UTRN: variants seen among roughly 807,000 people sequenced by gnomAD.
UTRN encodes dystrophin-related protein 1.
UTRN carries 283 observed loss-of-function variants against 463.9 expected under a neutral mutation model. That is an observed-to-expected ratio of 0.61 (90% CI 0.55 to 0.67). The LOEUF (loss-of-function observed/expected upper bound fraction) is 0.67. Ranked by LOEUF, UTRN falls within the 30% of genes least tolerant of loss-of-function variation. The pLI is 0.00. For missense variants in UTRN, 3,922 were observed against 4,084.3 expected (o/e 0.96, Z 1.08); for synonymous variants, 1,442 against 1,431.5 (o/e 1.01, Z -0.17).
At chr6:144,509,165 C>T (rs749182910) in intron 34 of UTRN, among the ~76,000 whole-genome samples, 20 of 152,064 alleles carry the variant, frequency 1.3e-4, no homozygotes, top group Non-Finnish European at 2.2e-4. Context: ...TATTCGGTAA[C>T]ATATATGTCT....
At position 144,488,778 on chromosome 6, in the gene UTRN, C is replaced by T; in HGVS notation, c.4078C>T (p.Leu1360Phe). 1 of 1,612,720 alleles carries T rather than the reference C, an allele frequency of 6.2e-7. No homozygotes were observed. The highest frequency in any genetic ancestry group is 2.2e-5 in the East Asian group (1 of 44,828). The change falls in exon 30 of 75, where the codon CTC (leucine) becomes TTC (phenylalanine). Residue 1360 changes from leucine to phenylalanine, a missense_variant. Physicochemically the swap from Leu to Phe is conservative, Grantham distance 22. This residue lies in a region of UTRN where 2,349 missense variants were observed against 2,303.8 expected (regional missense o/e 1.02). Coordinates refer to ENST00000367545, the MANE Select transcript of UTRN (RefSeq NM_007124.3). Reference sequence around the variant, plus strand: ...GAGCTTGGGGGAGCTGGACAAACAGCTCACCACATACCTGACTGACAGGAT... The same window carrying T: ...GAGCTTGGGGGAGCTGGACAAACAGTTCACCACATACCTGACTGACAGGAT... ...QESLGELDKQ[L>F]TTYLTDRIDA...
intron 65 of UTRN, among the ~76,000 whole-genome samples, chr6:144,810,576 C>T (rs1378296640): frequency 6.6e-6 from 1 of 151,702 alleles, no homozygotes; most frequent in East Asian, 1.9e-4. Flanking sequence ...TGAAATAGAG[C>T]AAGGTAATGG....
intron 2 of UTRN, among the ~76,000 whole-genome samples, chr6:144,344,919 G>A (rs1374758530): frequency 6.6e-6 from 1 of 152,110 alleles, no homozygotes; most frequent in Non-Finnish European, 1.5e-5. Flanking sequence ...GTTTACTTCC[G>A]GGGTGACTTA....
At chr6:144,641,611 G>A (rs541834342) in intron 51 of UTRN, among the ~76,000 whole-genome samples, 11 of 152,264 alleles carry the variant, frequency 7.2e-5, no homozygotes, top group African/African-American at 2.2e-4. Context: ...GGTTAGGGGG[G>A]CATGTAGAGT....
chr6:144,556,166 T>G (rs1179957167), intron 49 of UTRN, among the ~76,000 whole-genome samples: 1 of 152,228 alleles, frequency 6.6e-6, no homozygotes, highest in African/African-American at 2.4e-5. Context: ...TCAGCTAGCC[T>G]AAGATGGAAG....
intron 57 of UTRN, among the ~76,000 whole-genome samples, chr6:144,756,091 G>C (rs955464390): frequency 3.9e-5 from 6 of 152,042 alleles, no homozygotes; most frequent in African/African-American, 1.2e-4. Flanking sequence ...TAGATGCCAG[G>C]ACACATTTTT....
At chr6:144,531,327 T>C (rs1797040150) in intron 42 of UTRN, 125 bp downstream of exon 42, 1 of 1,042,940 alleles carries the variant, frequency 9.6e-7, no homozygotes, top group Non-Finnish European at 1.3e-6. Flanking sequence ...TTTGTAATTT[T>C]TGTTCCAATT....
At position 144,820,896 on chromosome 6, in the gene UTRN, A is replaced by G; in HGVS notation, c.9372A>G (p.Glu3124=). Residue 3124 remains glutamate (E), a synonymous_variant, in exon 66 of 75, where the codon GAA becomes GAG. Coordinates refer to ENST00000367545, the MANE Select transcript of UTRN (RefSeq NM_007124.3). ...CAACCTTATAGACAACATCTGGGGA[A>G]GATGTACGAGACTTCACAAAGGTAC... is the stretch of plus-strand genomic sequence containing the variant. ...VEYCIPTTSG[E]DVRDFTKVLK... The G allele has an allele frequency of 6.2e-7, 1 of 1,613,348 alleles. No homozygotes were observed. The highest frequency in any genetic ancestry group is 8.5e-7 in the Non-Finnish European group (1 of 1,179,638).
At chr6:144,518,147 T>A (rs1585094449) in intron 39 of UTRN, among the ~76,000 whole-genome samples, 1 of 152,212 alleles carries the variant, frequency 6.6e-6, no homozygotes, top group African/African-American at 2.4e-5. Flanking sequence ...TAATTTAGAC[T>A]AATGATTTTC....
At chr6:144,361,768 C>CTT (rs200737117) in intron 2 of UTRN, among the ~76,000 whole-genome samples, 17 of 138,764 alleles carry the variant, frequency 1.2e-4, no homozygotes, top group African/African-American at 4.5e-4. Context: ...TTCTTTCTTT[C>CTT]TTTCTTTTTT....
At chr6:144,768,448 G>A (rs1399156412) in intron 58 of UTRN, among the ~76,000 whole-genome samples, 1 of 152,078 alleles carries the variant, frequency 6.6e-6, no homozygotes, top group Non-Finnish European at 1.5e-5. Flanking sequence ...GATTTATACT[G>A]CTTGAAGGAT....
intron 60 of UTRN, among the ~76,000 whole-genome samples, chr6:144,780,500 T>C (rs1218207839): frequency 6.6e-6 from 1 of 152,198 alleles, no homozygotes; most frequent in Non-Finnish European, 1.5e-5. Context: ...CTTAAATTAA[T>C]GTGGACTCTA....
In UTRN at chr6:144,473,634, C is replaced by A; in HGVS notation, c.3067-86C>A. ...GATGCTATCGGAGCTTTAAAAAGTT[C>A]CTTTGTTCCAGTGGCGGTAGATCTT... On this transcript the variant is annotated intron_variant, in intron 23 of 74. Coordinates refer to ENST00000367545, the MANE Select transcript of UTRN (RefSeq NM_007124.3). 3 of 934,858 alleles carry A rather than the reference C, an allele frequency of 3.2e-6. 1 individual carries two copies. Among genetic ancestry groups the A allele is most frequent in the East Asian group, 5.2e-5 (2 of 38,098 alleles). 57.9% of individuals were successfully genotyped at this position (934,858 alleles called of 1,614,324 possible). A position where few individuals can be genotyped will look rare whatever the true frequency, so the allele number is the denominator to read the frequency against.
At chr6:144,544,043 C>G (rs1046366533) in intron 46 of UTRN, among the ~76,000 whole-genome samples, 4 of 152,130 alleles carry the variant, frequency 2.6e-5, no homozygotes, top group African/African-American at 9.7e-5. Flanking sequence ...CATGGGTTAT[C>G]TTACTTTTTA....
intron 51 of UTRN, among the ~76,000 whole-genome samples, chr6:144,641,481 T>C (rs576976407): frequency 6.6e-6 from 1 of 152,278 alleles, no homozygotes; most frequent in East Asian, 1.9e-4. Context: ...AAGTCTGTGT[T>C]GATGTTAATG....
At chr6:144,824,867 C>G (rs1562955693) in intron 66 of UTRN, among the ~76,000 whole-genome samples, 1 of 151,182 alleles carries the variant, frequency 6.6e-6, no homozygotes, top group Non-Finnish European at 1.5e-5. Context: ...TTTCTTGTAT[C>G]AGTTTGTAAA....
intron 74 of UTRN, among the ~76,000 whole-genome samples, chr6:144,847,528 AATCTG>A (rs1231960919): frequency 6.6e-6 from 1 of 152,092 alleles, no homozygotes; most frequent in Non-Finnish European, 1.5e-5. Context: ...ATGCTCAGTA[AATCTG>A]CGTTTTATAT....
At chr6:144,754,880 C>T (rs1791816662) in intron 57 of UTRN, 82 bp downstream of exon 57, 3 of 1,346,514 alleles carry the variant, frequency 2.2e-6, no homozygotes, top group South Asian at 1.3e-5. Context: ...AGCCGTATTC[C>T]TTGCTATAAA....
At chr6:144,835,965 A>G (rs1454601349) in intron 70 of UTRN, 27 bp downstream of exon 70, 10 of 1,608,184 alleles carry the variant, frequency 6.2e-6, no homozygotes, top group African/African-American at 4.0e-5. Context: ...AGAAGGAAAT[A>G]TGTCATCCTT....
Sources: allele counts gnomAD v4.1 joint callset (sites outside exome capture counted in the v4.1 genomes callset), GRCh38; gene constraint gnomAD v4.1.1; regional missense constraint gnomAD v4.1.1; transcripts MANE v1.5; gene names NCBI Gene and HGNC (gene_info 2026-07-23, HGNC 2026-07-21).